Variants in MACROD2 observed in about 807,000 individuals in gnomAD.
MACROD2 encodes ADP-ribose glycohydrolase MACROD2.
A neutral mutation model predicts 70.4 loss-of-function variants in MACROD2; 36 were observed. That is an observed-to-expected ratio of 0.51 (90% CI 0.39 to 0.68). MACROD2 has a LOEUF of 0.68. Among genes scored for constraint, MACROD2 ranks in the 30% least tolerant of loss-of-function variants. MACROD2 has a pLI of 0.00. For missense variants in MACROD2, 496 were observed against 538.4 expected (o/e 0.92, Z 0.78); for synonymous variants, 172 against 178.8 (o/e 0.96, Z 0.30).
intron 7 of MACROD2, among the ~76,000 whole-genome samples, chr20:15,469,194 A>G (rs2046933470): frequency 6.6e-6 from 1 of 152,254 alleles, no homozygotes; most frequent in Non-Finnish European, 1.5e-5. Context: ...ACTGCTGGCT[A>G]GGAAATGTAT....
At chr20:15,638,737 T>A (rs1456107872) in intron 8 of MACROD2, among the ~76,000 whole-genome samples, 1 of 152,182 alleles carries the variant, frequency 6.6e-6, no homozygotes, top group Non-Finnish European at 1.5e-5. Context: ...ACTTAAGAGC[T>A]GATAATTATG....
chr20:15,590,227 C>T (rs949875249), intron 8 of MACROD2, among the ~76,000 whole-genome samples: 14 of 152,142 alleles, frequency 9.2e-5, no homozygotes, highest in African/African-American at 1.7e-4. Context: ...ACTCACTATA[C>T]GCCAGGTAGC....
At chr20:15,427,428 G>A (rs1005997991) in intron 6 of MACROD2, among the ~76,000 whole-genome samples, 4 of 152,172 alleles carry the variant, frequency 2.6e-5, no homozygotes, top group African/African-American at 9.7e-5. Flanking sequence ...TCACATAGCT[G>A]GATCTAAGAG....
chr20:15,705,547 G>A (rs1165682543), intron 8 of MACROD2, among the ~76,000 whole-genome samples: 1 of 152,060 alleles, frequency 6.6e-6, no homozygotes, highest in Non-Finnish European at 1.5e-5. Flanking sequence ...GGCCTCCCCA[G>A]TAGCTGGGAT....
intron 4 of MACROD2, chr20:14,547,737 G>C (rs1451634135): frequency 1.3e-5 from 2 of 152,294 alleles, no homozygotes; most frequent in Non-Finnish European, 2.9e-5. Flanking sequence ...CCATGATCCT[G>C]TAGCTTGGTT....
At chr20:14,767,424 G>A (rs2072105545) in intron 5 of MACROD2, among the ~76,000 whole-genome samples, 1 of 151,990 alleles carries the variant, frequency 6.6e-6, no homozygotes. Context: ...ATGCAAGTGA[G>A]GGAGTAAGGT....
intron 2 of MACROD2, among the ~76,000 whole-genome samples, chr20:14,068,599 C>T (rs1030800881): frequency 6.6e-6 from 1 of 152,012 alleles, no homozygotes; most frequent in South Asian, 2.1e-4. Flanking sequence ...GTAGAGACAT[C>T]CAGGCTGTTT....
chr20:15,408,158 G>T (rs1316892220), intron 6 of MACROD2, among the ~76,000 whole-genome samples: 2 of 152,176 alleles, frequency 1.3e-5, no homozygotes, highest in African/African-American at 4.8e-5. Flanking sequence ...AAAACCAGAA[G>T]TTTTTTAAGG....
intron 5 of MACROD2, among the ~76,000 whole-genome samples, chr20:14,981,211 G>C (rs1294887941): frequency 6.6e-6 from 1 of 152,076 alleles, no homozygotes; most frequent in Non-Finnish European, 1.5e-5. Context: ...AACTCTGAAA[G>C]GTCCTTTATT....
intron 6 of MACROD2, among the ~76,000 whole-genome samples, chr20:15,282,199 G>C (rs531244546): frequency 3.3e-5 from 5 of 152,316 alleles, no homozygotes; most frequent in African/African-American, 1.2e-4. Context: ...GTGATGGGAG[G>C]GGCTGCTGTG....
intron 5 of MACROD2, among the ~76,000 whole-genome samples, chr20:14,852,152 A>G (rs386257): frequency 0.57 from 87,266 of 151,968 alleles, 26,262 homozygotes; most frequent in Non-Finnish European, 0.67. Context: ...GGGAGGAGGA[A>G]GCGCAGGAGC....
intron 2 of MACROD2, among the ~76,000 whole-genome samples, chr20:14,082,061 A>G (rs1008301279): frequency 6.6e-6 from 1 of 152,110 alleles, no homozygotes; most frequent in African/African-American, 2.4e-5. Context: ...TTCAGTCTCA[A>G]AATATTCCAT....
intron 3 of MACROD2, among the ~76,000 whole-genome samples, chr20:14,315,301 A>G (rs1049537754): frequency 2.0e-5 from 3 of 152,242 alleles, no homozygotes; most frequent in South Asian, 2.1e-4. Flanking sequence ...TAAATGGTCT[A>G]TGCTAATACT....
At chr20:14,122,782 T>C (rs1010098429) in intron 3 of MACROD2, among the ~76,000 whole-genome samples, 1 of 152,198 alleles carries the variant, frequency 6.6e-6, no homozygotes, top group African/African-American at 2.4e-5. Context: ...CTGTTCACTT[T>C]TCAGTTTTGT....
chr20:15,777,852 C>T (rs914701614), intron 8 of MACROD2, among the ~76,000 whole-genome samples: 25 of 152,076 alleles, frequency 1.6e-4, no homozygotes, highest in East Asian at 1.9e-4. Flanking sequence ...ACCATGCTGG[C>T]CAGGCTGGTT....
chr20:15,414,354 A>G (rs952656272), intron 6 of MACROD2, among the ~76,000 whole-genome samples: 6 of 152,110 alleles, frequency 3.9e-5, no homozygotes, highest in African/African-American at 1.4e-4. Context: ...CTGAATTAGA[A>G]TTTTCATTTT....
chr20:15,462,045 T>G (rs2046826640), intron 7 of MACROD2, among the ~76,000 whole-genome samples: 1 of 152,156 alleles, frequency 6.6e-6, no homozygotes. Context: ...CAAAGCGAAA[T>G]TATAGATTCC....
intron 2 of MACROD2, among the ~76,000 whole-genome samples, chr20:14,071,483 G>A (rs1445175115): frequency 2.0e-5 from 3 of 151,634 alleles, no homozygotes; most frequent in East Asian, 2.0e-4. Context: ...GATGGTCTCC[G>A]TTTCCTGACC....
At chr20:14,716,433 A>T (rs535916953) in intron 5 of MACROD2, among the ~76,000 whole-genome samples, 1 of 152,164 alleles carries the variant, frequency 6.6e-6, no homozygotes, top group African/African-American at 2.4e-5. Flanking sequence ...GACAATTTCC[A>T]TTTCCTTGGC....
Sources: allele counts gnomAD v4.1 joint callset (sites outside exome capture counted in the v4.1 genomes callset), GRCh38; gene constraint gnomAD v4.1.1; transcripts MANE v1.5; gene names NCBI Gene and HGNC (gene_info 2026-07-23, HGNC 2026-07-21).